The following GABRA5 variants were observed in gnomAD, a reference collection of about 807,000 sequenced individuals.
GABRA5 encodes the protein gamma-aminobutyric acid receptor subunit alpha-5.
A neutral mutation model predicts 47.3 loss-of-function variants in GABRA5; 18 were observed. The ratio of observed to expected loss-of-function variants is 0.38; its 90% CI spans 0.26 to 0.56. The LOEUF is 0.56. Among genes scored for constraint, GABRA5 ranks in the 20% least tolerant of loss-of-function variants. GABRA5 has a pLI of 0.71. For synonymous variants in GABRA5, 237 were observed against 229.3 expected, an observed-to-expected ratio of 1.03 and a Z score of -0.30; for missense variants, 365 against 599.3, an observed-to-expected ratio of 0.61 and a Z score of 4.08.
chr15:26,930,519 A>C (rs1367495541), intron 7 of GABRA5, among the ~76,000 whole-genome samples: 1 of 152,190 alleles, frequency 6.6e-6, no homozygotes. Flanking sequence ...ACTTGGTAAC[A>C]AGGATCACCT....
At chr15:26,906,966 A>T (rs1893458604) in intron 6 of GABRA5, among the ~76,000 whole-genome samples, 1 of 152,222 alleles carries the variant, frequency 6.6e-6, no homozygotes, top group Non-Finnish European at 1.5e-5. Context: ...TTCCCAACAT[A>T]AATAGGAATT....
chr15:26,922,841 G>A (rs1893874738), intron 7 of GABRA5, among the ~76,000 whole-genome samples: 1 of 152,112 alleles, frequency 6.6e-6, no homozygotes, highest in Non-Finnish European at 1.5e-5. Context: ...GCACACTGCA[G>A]CCTCAAACTC....
intron 3 of GABRA5, among the ~76,000 whole-genome samples, chr15:26,869,741 C>G (rs1369340538): frequency 6.6e-6 from 1 of 152,164 alleles, no homozygotes; most frequent in Admixed American, 6.5e-5. Flanking sequence ...ATCAAAGTTG[C>G]CTTGAAAGCC....
intron 6 of GABRA5, among the ~76,000 whole-genome samples, chr15:26,891,098 A>G (rs1421866319): frequency 6.6e-6 from 1 of 152,220 alleles, no homozygotes; most frequent in Non-Finnish European, 1.5e-5. Context: ...GCCTGTTGAG[A>G]AGGCCATCAG....
chr15:26,882,932 C>G (rs1476075248), intron 4 of GABRA5, among the ~76,000 whole-genome samples: 1 of 152,184 alleles, frequency 6.6e-6, no homozygotes, highest in African/African-American at 2.4e-5. Flanking sequence ...CCCCAGGGAG[C>G]AGAAGGAGGA....
chr15:26,891,553 C>T (rs1238471719), intron 6 of GABRA5, among the ~76,000 whole-genome samples: 1 of 152,144 alleles, frequency 6.6e-6, no homozygotes, highest in African/African-American at 2.4e-5. Context: ...GCCGTGGCCT[C>T]GTGCATCGAG....
Position 26,883,109 on chromosome 15 carries a change from T to G in GABRA5, c.209-57T>G, listed in dbSNP as rs1264921628. 1 of 1,392,326 alleles carries G rather than the reference T, an allele frequency of 7.2e-7. No individual in the cohort carries two copies. The highest frequency in any genetic ancestry group is 2.3e-5 in the East Asian group (1 of 43,828). The allele number at this position is 1,392,326 out of a possible 1,614,324, so 86.2% of individuals were successfully genotyped here. On this transcript the variant is annotated intron_variant, in intron 4 of 10. Transcript: ENST00000335625. This position sits in a 1 kb window ranked among gnomAD's most constrained non-coding sequence, Gnocchi z 4.8. ...GGTTACTGGACTGAGAGCACGAGAGTGTGCCAGACGCGCAGGGTGGGTCGG... is the reference window on the plus strand; with the variant it reads ...GGTTACTGGACTGAGAGCACGAGAGGGTGCCAGACGCGCAGGGTGGGTCGG...
chr15:26,902,938 T>C (rs372579782), intron 6 of GABRA5, among the ~76,000 whole-genome samples: 11 of 152,146 alleles, frequency 7.2e-5, no homozygotes, highest in Admixed American at 4.6e-4. Context: ...TGTAATGGAT[T>C]ACATTAATTG....
At chr15:26,887,973 T>C (rs1358314184) in intron 6 of GABRA5, among the ~76,000 whole-genome samples, 3 of 152,300 alleles carry the variant, frequency 2.0e-5, no homozygotes, top group Non-Finnish European at 2.9e-5. Flanking sequence ...GTTAACTGTA[T>C]TGAATAAGAT....
chr15:26,947,085 C>T (rs1245917267), intron 10 of GABRA5, among the ~76,000 whole-genome samples: 1 of 152,248 alleles, frequency 6.6e-6, no homozygotes, highest in South Asian at 2.1e-4. Context: ...CATCTTAGGG[C>T]TTCCCTTATA....
chr15:26,937,896 A>C (rs138929218), intron 8 of GABRA5, among the ~76,000 whole-genome samples: 1 of 152,192 alleles, frequency 6.6e-6, no homozygotes, highest in Non-Finnish European at 1.5e-5. Context: ...CAGAGCCTGC[A>C]AGTTATGTGG....
chr15:26,867,292 G>A lies in GABRA5; in HGVS notation c.-140+181G>A, dbSNP rs1463933360. ...CAGCATGGGGCGGTGACGCCGCACCGGCCTTCCGCGCCTGCCAGCCGGGCG... is the reference window on the plus strand; with the variant it reads ...CAGCATGGGGCGGTGACGCCGCACCAGCCTTCCGCGCCTGCCAGCCGGGCG... On this transcript the variant is annotated intron_variant, in intron 1 of 10. Coordinates refer to ENST00000335625, the MANE Select transcript of GABRA5 (RefSeq NM_000810.4). The surrounding 1 kb of genome is among the most constrained non-coding windows in gnomAD (Gnocchi z 5.9). The A allele has an allele frequency of 6.6e-6, 1 of 151,672 alleles. No individual in the cohort carries two copies. Among genetic ancestry groups the A allele is most frequent in the African/African-American group, 2.4e-5 (1 of 41,376 alleles). 9.4% of individuals were successfully genotyped at this position (151,672 alleles called of 1,614,324 possible). A position where few individuals can be genotyped will look rare whatever the true frequency, so the allele number is the denominator to read the frequency against.
intron 7 of GABRA5, among the ~76,000 whole-genome samples, chr15:26,935,014 A>ATTG (rs1894203297): frequency 8.9e-6 from 1 of 112,194 alleles, no homozygotes; most frequent in African/African-American, 3.1e-5. Flanking sequence ...AATCATGACA[A>ATTG]ATGGCACTGC....
chr15:26,906,999 C>G (rs544172770), intron 6 of GABRA5, among the ~76,000 whole-genome samples: 35 of 152,164 alleles, frequency 2.3e-4, no homozygotes, highest in Admixed American at 1.1e-3. Context: ...TTTTCAGTGG[C>G]CAAAGAGGAA....
At chr15:26,911,030 A>G (rs1893570780) in intron 6 of GABRA5, among the ~76,000 whole-genome samples, 1 of 152,138 alleles carries the variant, frequency 6.6e-6, no homozygotes, top group African/African-American at 2.4e-5. Context: ...CCATTTTTGA[A>G]ATGTTTAGAG....
intron 10 of GABRA5, among the ~76,000 whole-genome samples, chr15:26,947,144 G>A (rs780323138): frequency 5.3e-5 from 8 of 152,182 alleles, no homozygotes; most frequent in Non-Finnish European, 8.8e-5. Flanking sequence ...GTAAAGAAGC[G>A]ATGGCTGCCT....
chr15:26,871,295 G>T (rs1297277005), intron 3 of GABRA5, among the ~76,000 whole-genome samples: 1 of 152,188 alleles, frequency 6.6e-6, no homozygotes, highest in East Asian at 1.9e-4. Context: ...TCACTCCCTG[G>T]TAGATGCAGG....
At chr15:26,869,592 G>C (rs1348224842) in intron 3 of GABRA5, among the ~76,000 whole-genome samples, 2 of 152,236 alleles carry the variant, frequency 1.3e-5, no homozygotes, top group African/African-American at 4.8e-5. Flanking sequence ...GGAAGCTGAA[G>C]ATGATATCCG....
chr15:26,903,796 C>T (rs1595412618), intron 6 of GABRA5, among the ~76,000 whole-genome samples: 1 of 151,410 alleles, frequency 6.6e-6, no homozygotes, highest in East Asian at 2.0e-4. Context: ...CGCTTTTTAA[C>T]AGGATGTTTT....
Sources: gnomAD v4.1 joint callset for allele counts (sites outside exome capture counted in the v4.1 genomes callset) on GRCh38, gnomAD v4.1.1 for gene constraint, Gnocchi (gnomAD v3.1) non-coding constraint, MANE v1.5 for transcripts, NCBI Gene and HGNC (gene_info 2026-07-23, HGNC 2026-07-21) for gene names.